The following COL6A6 variants were observed in gnomAD, a reference collection of about 807,000 sequenced individuals.
COL6A6 encodes the protein collagen alpha-6(VI) chain.
A neutral mutation model predicts 208.6 loss-of-function variants in COL6A6; 183 were observed. That is an observed-to-expected ratio of 0.88 (90% CI 0.78 to 0.99). The LOEUF (loss-of-function observed/expected upper bound fraction) is 0.99. COL6A6 is among the 50% of genes least tolerant of loss of function. COL6A6 has a pLI of 0.00. For synonymous variants in COL6A6, 973 were observed against 1,011.8 expected, an observed-to-expected ratio of 0.96 and a Z score of 0.73; for missense variants, 2,816 against 2,815.2, an observed-to-expected ratio of 1.00 and a Z score of -0.01.
intron 17 of COL6A6, 103 bp from the exon 18 acceptor site, chr3:130,594,177 GA>G (rs1463929207): frequency 2.5e-5 from 23 of 924,066 alleles, no homozygotes; most frequent in African/African-American, 6.7e-5. Flanking sequence ...AGCCTTTGTA[GA>G]AAAATATTTA....
At chr3:130,634,405 TACTTTA>T (rs1252575172) in intron 26 of COL6A6, among the ~76,000 whole-genome samples, 179 bp from the exon 27 acceptor site, 2 of 152,204 alleles carry the variant, frequency 1.3e-5, no homozygotes, top group African/African-American at 4.8e-5. Flanking sequence ...AACCCTTAAA[TACTTTA>T]ACTTATAATT....
chr3:130,641,683 C>T lies in COL6A6; in HGVS notation c.5123C>T (p.Ser1708Phe), dbSNP rs61629992. 116,335 of 1,595,170 alleles carry T rather than the reference C, an allele frequency of 0.073. 5,438 individuals are homozygous for T. The highest frequency in any genetic ancestry group is 0.19 in the South Asian group (16,731 of 89,210). ...GCTGGGCTTCCAGGAGAGATGGGAT[C>T]CCCTGGGGAACCAGGACCTCCTGGA... is the stretch of plus-strand genomic sequence containing the variant. ...ISAGLPGEMG[S>F]PGEPGPPGRK... The change falls in exon 29 of 37, where the codon TCC becomes TTC. Residue 1708 changes from serine to phenylalanine, a missense_variant. Physicochemically the swap from Ser to Phe is radical, Grantham distance 155. Transcript: ENST00000358511.
chr3:130,602,403 T>A (rs1163844375), intron 20 of COL6A6, among the ~76,000 whole-genome samples: 1 of 152,152 alleles, frequency 6.6e-6, no homozygotes, highest in Non-Finnish European at 1.5e-5. Flanking sequence ...ATTAATTAGA[T>A]GATTAATCAG....
At chr3:130,614,287 T>TAC (rs2064445286) in intron 23 of COL6A6, among the ~76,000 whole-genome samples, 1 of 152,208 alleles carries the variant, frequency 6.6e-6, no homozygotes, top group Admixed American at 6.5e-5. Context: ...TTGTTTTTAG[T>TAC]TCTATTTACA....
intron 20 of COL6A6, among the ~76,000 whole-genome samples, chr3:130,606,634 G>C (rs766294822): frequency 3.3e-5 from 5 of 152,138 alleles, no homozygotes; most frequent in African/African-American, 7.2e-5. Context: ...TCTAGTAAAA[G>C]TTTAACAGAG....
chr3:130,617,847 A>G (rs2064579387), intron 23 of COL6A6, among the ~76,000 whole-genome samples: 1 of 152,170 alleles, frequency 6.6e-6, no homozygotes, highest in African/African-American at 2.4e-5. Context: ...TCCAAAGTCA[A>G]GGTGTCCTTG....
At chr3:130,634,758 AAG>A in intron 27 of COL6A6, 133 bp downstream of exon 27, 1 of 631,660 alleles carries the variant, frequency 1.6e-6, no homozygotes, top group Non-Finnish European at 2.7e-6. Flanking sequence ...GGAGGGAAGA[AAG>A]AAATAGACCA....
Position 130,573,973 on chromosome 3 carries a change from G to A in COL6A6, c.2995G>A (p.Val999Ile), listed in dbSNP as rs1446328308. The A allele has an allele frequency of 1.2e-6, 2 of 1,609,638 alleles. No homozygotes were observed. Among genetic ancestry groups the A allele is most frequent in the Non-Finnish European group, 1.7e-6 (2 of 1,176,282 alleles). Reference sequence around the variant, plus strand: ...CTTTGTAGATTGTGAAATTGACAAAGTAGATCTTGTTTTCCTTATGGATGG... The same window carrying A: ...CTTTGTAGATTGTGAAATTGACAAAATAGATCTTGTTTTCCTTATGGATGG... Reference protein sequence around the residue: ...SSKVDCEIDKVDLVFLMDGST... With the variant: ...SSKVDCEIDKIDLVFLMDGST... The change falls in exon 8 of 37, where the codon GTA becomes ATA. Residue 999 changes from valine to isoleucine, a missense_variant. Coordinates refer to ENST00000358511, the MANE Select transcript of COL6A6 (RefSeq NM_001102608.3).
chr3:130,625,174 C>T (rs994323419), intron 24 of COL6A6, among the ~76,000 whole-genome samples: 9 of 152,164 alleles, frequency 5.9e-5, no homozygotes, highest in East Asian at 3.9e-4. Context: ...CTTTGAGAAC[C>T]GCTGTCCTAA....
chr3:130,651,156 G>A (rs904980695), intron 33 of COL6A6, among the ~76,000 whole-genome samples: 1 of 152,148 alleles, frequency 6.6e-6, no homozygotes, highest in South Asian at 2.1e-4. Flanking sequence ...GGCTGGGTGC[G>A]GTGGCTCACG....
chr3:130,636,439 T>A (rs2065113156), intron 28 of COL6A6, among the ~76,000 whole-genome samples: 1 of 152,200 alleles, frequency 6.6e-6, no homozygotes, highest in African/African-American at 2.4e-5. Flanking sequence ...AGAATGCTGT[T>A]TTAGTTTTTT....
At chr3:130,601,023 C>T (rs1397871911) in intron 20 of COL6A6, among the ~76,000 whole-genome samples, 1 of 151,942 alleles carries the variant, frequency 6.6e-6, no homozygotes, top group African/African-American at 2.4e-5. Flanking sequence ...TCATTAAGTA[C>T]TTTAAAAAAT....
At chr3:130,553,943 C>T (rs1417863031) in intron 1 of COL6A6, among the ~76,000 whole-genome samples, 1 of 151,928 alleles carries the variant, frequency 6.6e-6, no homozygotes, top group East Asian at 1.9e-4. Context: ...TGACTGGCAT[C>T]ATTTCTGGAA....
At chr3:130,551,514 G>A (rs1370142101) in intron 1 of COL6A6, among the ~76,000 whole-genome samples, 2 of 151,558 alleles carry the variant, frequency 1.3e-5, no homozygotes, top group Non-Finnish European at 2.9e-5. Context: ...TAATGCCCAC[G>A]TTTTCATGTC....
intron 20 of COL6A6, 57 bp from the exon 21 acceptor site, chr3:130,606,874 C>G: frequency 7.2e-7 from 1 of 1,391,060 alleles, no homozygotes; most frequent in Non-Finnish European, 1.0e-6. Flanking sequence ...GAATTTAAAT[C>G]ATATATAAAA....
intron 31 of COL6A6, 50 bp from the exon 32 acceptor site, chr3:130,644,941 C>T (rs1487144383): frequency 1.3e-6 from 2 of 1,577,060 alleles, no homozygotes; most frequent in Admixed American, 3.3e-5. Context: ...ATACAGAACT[C>T]TCTTCTCCTA....
At chr3:130,557,914 T>C (rs2062802168) in intron 1 of COL6A6, among the ~76,000 whole-genome samples, 1 of 152,198 alleles carries the variant, frequency 6.6e-6, no homozygotes, top group South Asian at 2.1e-4. Flanking sequence ...ATCTAGATTT[T>C]TTAAAAAGAC....
intron 11 of COL6A6, among the ~76,000 whole-genome samples, chr3:130,586,985 G>A (rs529495791): frequency 2.0e-5 from 3 of 152,152 alleles, no homozygotes; most frequent in Non-Finnish European, 4.4e-5. Context: ...AGATGCGAGC[G>A]TGAATCGGCC....
At chr3:130,653,349 G>A (rs2065698696) in intron 33 of COL6A6, among the ~76,000 whole-genome samples, 1 of 152,204 alleles carries the variant, frequency 6.6e-6, no homozygotes, top group East Asian at 1.9e-4. Context: ...TAGAGACAGA[G>A]TTGAAATGGG....
Sources: gnomAD v4.1 joint callset for allele counts (sites outside exome capture counted in the v4.1 genomes callset) on GRCh38, gnomAD v4.1.1 for gene constraint, MANE v1.5 for transcripts, NCBI Gene and HGNC (gene_info 2026-07-23, HGNC 2026-07-21) for gene names.